The following RELN variants were observed in gnomAD, a reference collection of about 807,000 sequenced individuals.
RELN encodes the protein reelin.
A neutral mutation model predicts 427.6 loss-of-function variants in RELN; 108 were observed. The ratio of observed to expected loss-of-function variants is 0.25; its 90% CI spans 0.22 to 0.30. RELN has a LOEUF of 0.30. Among genes scored for constraint, RELN ranks in the 10% least tolerant of loss-of-function variants. The pLI, the probability that RELN is intolerant of heterozygous loss-of-function variation, is 1.00. For missense variants in RELN, 3,715 were observed against 4,302.8 expected, an observed-to-expected ratio of 0.86 and a Z score of 3.82; for synonymous variants, 1,524 against 1,513.4, an observed-to-expected ratio of 1.01 and a Z score of -0.16.
chr7:103,693,167 T>C (rs1012169323), intron 10 of RELN, among the ~76,000 whole-genome samples: 1 of 152,000 alleles, frequency 6.6e-6, no homozygotes, highest in African/African-American at 2.4e-5. Flanking sequence ...TGCAGCCATA[T>C]GGAAGGATGA....
intron 6 of RELN, among the ~76,000 whole-genome samples, chr7:103,729,587 A>C (rs1168408594): frequency 1.3e-5 from 2 of 152,194 alleles, no homozygotes; most frequent in African/African-American, 4.8e-5. Context: ...CACAATTCTT[A>C]GGAGATTCAA....
At chr7:103,975,664 G>A (rs1796861477) in intron 1 of RELN, among the ~76,000 whole-genome samples, 1 of 150,798 alleles carries the variant, frequency 6.6e-6, no homozygotes. Context: ...TCCTGCCTCA[G>A]CCTCCCGAGT....
At chr7:103,763,289 G>A (rs186412219) in intron 4 of RELN, among the ~76,000 whole-genome samples, 89 of 152,190 alleles carry the variant, frequency 5.8e-4, no homozygotes, top group African/African-American at 2.0e-3. Flanking sequence ...AGAGTAATTC[G>A]GCATTTTTGG....
intron 8 of RELN, among the ~76,000 whole-genome samples, chr7:103,711,666 A>AT (rs1177765737): frequency 5.3e-5 from 8 of 152,012 alleles, no homozygotes; most frequent in East Asian, 1.9e-4. Context: ...CAAAAAAGCT[A>AT]TTTTTTTAAA....
At chr7:103,699,049 T>C (rs776003656) in intron 9 of RELN, among the ~76,000 whole-genome samples, 9 of 152,166 alleles carry the variant, frequency 5.9e-5, no homozygotes, top group Non-Finnish European at 1.0e-4. Flanking sequence ...ATTTTTTATA[T>C]TACCTCTACT....
Position 103,659,989 on chromosome 7 carries a change from T to C in RELN, c.1441+1387A>G, listed in dbSNP as rs2299353. Among the ~76,000 whole-genome samples the C allele has an allele frequency of 4.0e-3, 613 of 152,252 alleles. 12 individuals carry two copies. Among genetic ancestry groups the C allele is most frequent in the Admixed American group, 0.036 (555 of 15,262 alleles). ...GCTCACTCAAATCAATTCCCCATCA[T>C]AGTAATACTGTTTTAATTCATTGAT... is the stretch of plus-strand genomic sequence containing the variant. On this transcript the variant is annotated intron_variant, in intron 12 of 64. Coordinates refer to ENST00000428762, the MANE Select transcript of RELN (RefSeq NM_005045.4).
At chr7:103,490,579 C>T in intron 59 of RELN, 89 bp downstream of exon 59, 2 of 1,379,928 alleles carry the variant, frequency 1.4e-6, no homozygotes, top group Admixed American at 1.7e-5. Context: ...AAAGCTCTGC[C>T]TCACACTGTC....
chr7:103,923,955 T>C (rs1795670314), intron 1 of RELN, among the ~76,000 whole-genome samples: 1 of 152,198 alleles, frequency 6.6e-6, no homozygotes, highest in Non-Finnish European at 1.5e-5. Context: ...ATGTGATAAT[T>C]ACTATAATTA....
intron 3 of RELN, among the ~76,000 whole-genome samples, chr7:103,813,240 TA>T (rs1227666810): frequency 1.3e-5 from 2 of 152,138 alleles, no homozygotes; most frequent in Non-Finnish European, 2.9e-5. Flanking sequence ...CATTATATGG[TA>T]ACACCCACAT....
rs373339112 is a variant in RELN, at chr7:103,476,483, AAAAC to A, written c.10286+1902_10286+1905del. Among the ~76,000 whole-genome samples the A allele has an allele frequency of 4.2e-4, 64 of 152,288 alleles. 1 individual carries two copies. The highest frequency in any genetic ancestry group is 1.0e-3 in the South Asian group (5 of 4,822). ...GCGACACGGTGAGACTCTGTCTCAA[AAAAC>A]AAACAAACAAACAAACAAAAAAACC... On this transcript the variant is annotated intron_variant, in intron 64 of 64. Transcript: ENST00000428762.
At chr7:103,629,020 C>G (rs1048382754) in intron 20 of RELN, among the ~76,000 whole-genome samples, 1 of 152,170 alleles carries the variant, frequency 6.6e-6, no homozygotes, top group Non-Finnish European at 1.5e-5. Context: ...TGGTCACTCT[C>G]GCCTGGGGGA....
intron 57 of RELN, among the ~76,000 whole-genome samples, chr7:103,492,897 G>A (rs991675702): frequency 6.6e-6 from 1 of 151,942 alleles, no homozygotes; most frequent in Non-Finnish European, 1.5e-5. Context: ...GACAAAGTAG[G>A]GAATCATGGT....
intron 12 of RELN, among the ~76,000 whole-genome samples, chr7:103,659,689 C>A (rs1833096377): frequency 6.6e-6 from 1 of 152,128 alleles, no homozygotes; most frequent in Non-Finnish European, 1.5e-5. Flanking sequence ...ACACTGCATT[C>A]TACCTTATAG....
intron 2 of RELN, among the ~76,000 whole-genome samples, chr7:103,910,971 A>C (rs1337324049): frequency 7.2e-6 from 1 of 139,710 alleles, no homozygotes; most frequent in African/African-American, 3.0e-5. Flanking sequence ...AAACACCAAA[A>C]GCAATGGCAA....
At chr7:103,872,056 T>A (rs9792003) in intron 2 of RELN, among the ~76,000 whole-genome samples, 36,222 of 146,066 alleles carry the variant, frequency 0.25, 4,843 homozygotes, top group South Asian at 0.45. Context: ...TTTTTTCTTT[T>A]TTTATTTATT....
At chr7:103,509,493 A>G (rs1829325485) in intron 51 of RELN, among the ~76,000 whole-genome samples, 1 of 152,242 alleles carries the variant, frequency 6.6e-6, no homozygotes, top group South Asian at 2.1e-4. Flanking sequence ...CACCTTATTC[A>G]AAAATTAACT....
At chr7:103,704,301 A>G (rs1276299786) in intron 8 of RELN, among the ~76,000 whole-genome samples, 3 of 152,224 alleles carry the variant, frequency 2.0e-5, no homozygotes, top group Non-Finnish European at 4.4e-5. Flanking sequence ...ATGATCAAGT[A>G]TAAAAATTCT....
chr7:103,763,919 A>C (rs1329391657), intron 4 of RELN, among the ~76,000 whole-genome samples: 2 of 152,144 alleles, frequency 1.3e-5, no homozygotes, highest in African/African-American at 2.4e-5. Flanking sequence ...GTGGGCATGG[A>C]AAGAAAGGGG....
At position 103,496,508 on chromosome 7, in the gene RELN, CAAT is replaced by C. The variant is rs1274246336; in HGVS notation, c.9193+15_9193+17del. ...ATGGCTCACAGGAAAGAAAATTGTT[CAAT>C]GTCTTGTTTCTTACCATCATCAAAA... On this transcript the variant is annotated intron_variant, in intron 56 of 64. Transcript: ENST00000428762. 21 of 1,613,870 alleles carry C rather than the reference CAAT, an allele frequency of 1.3e-5. No individual in the cohort carries two copies. The highest frequency in any genetic ancestry group is 1.8e-5 in the Non-Finnish European group (21 of 1,179,964).
Sources: allele counts gnomAD v4.1 joint callset (sites outside exome capture counted in the v4.1 genomes callset), GRCh38; gene constraint gnomAD v4.1.1; transcripts MANE v1.5; gene names NCBI Gene and HGNC (gene_info 2026-07-23, HGNC 2026-07-21).